Variants in DYNC1I1 observed in about 807,000 individuals in gnomAD.
DYNC1I1 encodes the protein cytoplasmic dynein 1 intermediate chain 1.
Under a neutral mutation model 86.6 loss-of-function variants are expected in DYNC1I1, and 43 were observed. The ratio of observed to expected loss-of-function variants is 0.50; its 90% CI spans 0.39 to 0.64. The LOEUF is 0.64. Ranked by LOEUF, DYNC1I1 falls within the 30% of genes least tolerant of loss-of-function variation. The pLI, the probability that DYNC1I1 is intolerant of heterozygous loss-of-function variation, is 0.00. For missense variants in DYNC1I1, 604 were observed against 788.8 expected (o/e 0.77, Z 2.81); for synonymous variants, 262 against 283.7 (o/e 0.92, Z 0.77).
chr7:95,803,728 T>C (rs1297666469), intron 1 of DYNC1I1, among the ~76,000 whole-genome samples: 6 of 152,344 alleles, frequency 3.9e-5, no homozygotes, highest in African/African-American at 7.2e-5. Context: ...TGAATACTCA[T>C]GACATTTACG....
At chr7:96,035,882 T>G (rs1169617516) in intron 13 of DYNC1I1, 130 bp downstream of exon 13, 2 of 1,417,058 alleles carry the variant, frequency 1.4e-6, no homozygotes, top group Non-Finnish European at 1.9e-6. Context: ...ACTTCAACTC[T>G]TCATTATCTT....
chr7:95,914,052 T>C (rs1424758332), intron 6 of DYNC1I1, among the ~76,000 whole-genome samples: 1 of 152,204 alleles, frequency 6.6e-6, no homozygotes, highest in Non-Finnish European at 1.5e-5. Flanking sequence ...GCCAGAGCTA[T>C]ACATTCACCC....
At chr7:95,995,286 A>T (rs1219204992) in intron 9 of DYNC1I1, among the ~76,000 whole-genome samples, 1 of 151,066 alleles carries the variant, frequency 6.6e-6, no homozygotes, top group South Asian at 2.1e-4. Context: ...ATAAATAAAT[A>T]ATGTAGAATG....
intron 14 of DYNC1I1, among the ~76,000 whole-genome samples, chr7:96,061,751 C>A (rs945358741): frequency 4.6e-5 from 7 of 150,786 alleles, no homozygotes; most frequent in Non-Finnish European, 8.9e-5. Context: ...CAAACACACA[C>A]ACACACACAC....
chr7:95,837,901 A>T (rs1291937095), intron 5 of DYNC1I1, among the ~76,000 whole-genome samples: 1 of 152,230 alleles, frequency 6.6e-6, no homozygotes, highest in East Asian at 1.9e-4. Context: ...CCGGTACCTC[A>T]GATGGAAATG....
At chr7:95,801,980 AG>A (rs1184374484) in intron 1 of DYNC1I1, among the ~76,000 whole-genome samples, 7 of 152,082 alleles carry the variant, frequency 4.6e-5, no homozygotes, top group Admixed American at 1.3e-4. Flanking sequence ...GCTGGCCCTC[AG>A]TCACGGCTCT....
At chr7:95,832,224 T>G (rs1159103791) in intron 5 of DYNC1I1, among the ~76,000 whole-genome samples, 1 of 126,020 alleles carries the variant, frequency 7.9e-6, no homozygotes. Flanking sequence ...TGGTGTTCGG[T>G]TTTTTGTTCT....
rs1223128667 is a variant in DYNC1I1 at position 95,853,941 on chromosome 7, T to C, written c.375-15942T>C. ...TTTTTACGTTTTGACTTAAAGTCTA[T>C]TTTAACATGTCTAACATGTATAGCT... On this transcript the variant is annotated intron_variant, in intron 5 of 16. Transcript: ENST00000447467. Among the ~76,000 whole-genome samples, 4 of 152,306 alleles carry C rather than the reference T, an allele frequency of 2.6e-5. No homozygotes were observed. In the East Asian group the frequency reaches 7.7e-4, roughly 29 times the overall value.
At chr7:96,078,041 T>A (rs1790395901) in intron 15 of DYNC1I1, among the ~76,000 whole-genome samples, 1 of 152,186 alleles carries the variant, frequency 6.6e-6, no homozygotes. Context: ...CGAACACTTT[T>A]TAAAACCTTC....
At chr7:95,839,440 G>A (rs1486153345) in intron 5 of DYNC1I1, among the ~76,000 whole-genome samples, 3 of 152,066 alleles carry the variant, frequency 2.0e-5, no homozygotes, top group African/African-American at 4.8e-5. Context: ...TCTTGCATAC[G>A]AAAACTCTAC....
At chr7:95,777,780 C>A (rs1480142602) in intron 1 of DYNC1I1, among the ~76,000 whole-genome samples, 1 of 152,166 alleles carries the variant, frequency 6.6e-6, no homozygotes, top group East Asian at 1.9e-4. Context: ...ACTTGATCAA[C>A]AGACCTGCCT....
intron 14 of DYNC1I1, among the ~76,000 whole-genome samples, chr7:96,041,522 C>A (rs1789053279): frequency 6.6e-6 from 1 of 152,158 alleles, no homozygotes; most frequent in South Asian, 2.1e-4. Context: ...GAAGGACATT[C>A]ACTGAAAGAT....
chr7:95,780,631 AC>A (rs1280541075), intron 1 of DYNC1I1, among the ~76,000 whole-genome samples: 1 of 152,024 alleles, frequency 6.6e-6, no homozygotes, highest in East Asian at 1.9e-4. Context: ...CTGAAATAGT[AC>A]CCATTTCTTT....
chr7:95,936,956 TCACACACACACA>T (rs57989893), intron 6 of DYNC1I1, among the ~76,000 whole-genome samples: 1 of 134,190 alleles, frequency 7.5e-6, no homozygotes, highest in East Asian at 2.1e-4. Flanking sequence ...AGAATATGTC[TCACACACACACA>T]CACACACACA....
At chr7:95,817,356 A>G (rs1389252483) in intron 4 of DYNC1I1, among the ~76,000 whole-genome samples, 1 of 152,178 alleles carries the variant, frequency 6.6e-6, no homozygotes, top group Non-Finnish European at 1.5e-5. Context: ...GTTTTTACCT[A>G]GGCAGGTTGA....
At chr7:96,065,855 CCTCTATTT>C in intron 14 of DYNC1I1, among the ~76,000 whole-genome samples, 1 of 152,250 alleles carries the variant, frequency 6.6e-6, no homozygotes, top group South Asian at 2.1e-4. Flanking sequence ...ATCAGACCTT[CCTCTATTT>C]CTCTATTTTT....
chr7:96,108,255 A>G (rs1337412045), intron 16 of DYNC1I1, among the ~76,000 whole-genome samples: 1 of 152,116 alleles, frequency 6.6e-6, no homozygotes, highest in Non-Finnish European at 1.5e-5. Flanking sequence ...GTGTATGTTT[A>G]CTGTCCTGCA....
At chr7:96,088,346 T>C (rs915906007) in intron 16 of DYNC1I1, among the ~76,000 whole-genome samples, 1 of 152,192 alleles carries the variant, frequency 6.6e-6, no homozygotes, top group African/African-American at 2.4e-5. Flanking sequence ...GAAGTTCATA[T>C]ATTCTCATTT....
chr7:95,817,821 A>G (rs1794980662), intron 4 of DYNC1I1, among the ~76,000 whole-genome samples: 1 of 152,198 alleles, frequency 6.6e-6, no homozygotes, highest in Non-Finnish European at 1.5e-5. Flanking sequence ...GCCAACATTT[A>G]TTCTTCTCAT....
Sources: gnomAD v4.1 joint callset for allele counts (sites outside exome capture counted in the v4.1 genomes callset) on GRCh38, gnomAD v4.1.1 for gene constraint, MANE v1.5 for transcripts, NCBI Gene and HGNC (gene_info 2026-07-23, HGNC 2026-07-21) for gene names.